Variants in MICU3 observed in about 807,000 individuals in gnomAD.
MICU3 encodes the protein calcium uptake protein 3, mitochondrial.
MICU3 carries 62 observed loss-of-function variants against 66.5 expected under a neutral mutation model. That is an observed-to-expected ratio of 0.93 (90% confidence interval 0.76 to 1.15). The LOEUF (loss-of-function observed/expected upper bound fraction) is 1.15. Ranked by LOEUF, MICU3 falls within the 50% of genes most tolerant of loss-of-function variation. The pLI, the probability that MICU3 is intolerant of heterozygous loss-of-function variation, is 0.00. For synonymous variants in MICU3, 308 were observed against 240.7 expected (o/e 1.28, Z -2.59); for missense variants, 779 against 664.4 (o/e 1.17, Z -1.90).
chr8:17,040,497 T>C (rs938249066), intron 1 of MICU3, among the ~76,000 whole-genome samples: 3 of 152,230 alleles, frequency 2.0e-5, no homozygotes, highest in African/African-American at 7.2e-5. Flanking sequence ...AATAGATGTC[T>C]GTTACCTTGT....
chr8:17,034,557 T>C (rs1812655030), intron 1 of MICU3, among the ~76,000 whole-genome samples: 1 of 152,250 alleles, frequency 6.6e-6, no homozygotes, highest in Non-Finnish European at 1.5e-5. Context: ...CCATTAAGAA[T>C]ATCTGTGATT....
the MICU3 span, among the ~76,000 whole-genome samples, chr8:17,129,676 A>G: frequency 1.3e-5 from 2 of 152,284 alleles, no homozygotes; most frequent in Non-Finnish European, 2.9e-5. Context: ...AAAACAGACT[A>G]CTGTAAGTGT....
intron 1 of MICU3, 84 bp downstream of exon 1, chr8:17,027,744 G>T: frequency 8.0e-7 from 1 of 1,246,678 alleles, no homozygotes; most frequent in Non-Finnish European, 1.0e-6. Flanking sequence ...CTGTGGGGAC[G>T]GTGCAAGCGC....
downstream of MICU3, among the ~76,000 whole-genome samples, chr8:17,126,842 G>A (rs1362187991): frequency 1.3e-5 from 2 of 152,160 alleles, no homozygotes; most frequent in Non-Finnish European, 2.9e-5. Flanking sequence ...ACTGCAGAAG[G>A]AAAGAATTGA....
intron 1 of MICU3, among the ~76,000 whole-genome samples, chr8:17,032,346 G>C (rs1563262103): frequency 6.6e-6 from 1 of 151,680 alleles, no homozygotes; most frequent in Non-Finnish European, 1.5e-5. Context: ...TTTATTAGTG[G>C]GAAAAAATTT....
chr8:17,114,976 G>A (rs1478019473), intron 12 of MICU3, among the ~76,000 whole-genome samples: 2 of 151,736 alleles, frequency 1.3e-5, no homozygotes, highest in Non-Finnish European at 2.9e-5. Flanking sequence ...AAAATTAGCC[G>A]GGCGTAGTGG....
At chr8:17,098,750 G>A (rs972505292) in intron 9 of MICU3, among the ~76,000 whole-genome samples, 197 bp downstream of exon 9, 1 of 151,510 alleles carries the variant, frequency 6.6e-6, no homozygotes, top group Non-Finnish European at 1.5e-5. Flanking sequence ...AAAAGGAAAT[G>A]GCATTTTTTT....
At chr8:17,130,022 T>A in the MICU3 span, among the ~76,000 whole-genome samples, 3 of 152,138 alleles carry the variant, frequency 2.0e-5, no homozygotes, top group Admixed American at 6.5e-5. Context: ...AATAGTCTTT[T>A]AAAATAATGG....
intron 5 of MICU3, among the ~76,000 whole-genome samples, chr8:17,083,982 C>T (rs1269648348): frequency 2.0e-5 from 3 of 152,028 alleles, no homozygotes; most frequent in Non-Finnish European, 4.4e-5. Flanking sequence ...TGCGTTTTGG[C>T]ACAGAAAGGT....
At chr8:17,086,935 A>G in intron 6 of MICU3, 29 bp from the exon 7 acceptor site, 1 of 1,486,188 alleles carries the variant, frequency 6.7e-7, no homozygotes, top group Non-Finnish European at 9.4e-7. Context: ...CTTGTTGGAT[A>G]TTTGATTCTT....
chr8:17,116,621 C>G, intron 13 of MICU3, 21 bp downstream of exon 13: 1 of 1,505,082 alleles, frequency 6.6e-7, no homozygotes, highest in Non-Finnish European at 8.9e-7. Context: ...ACATTTTAAA[C>G]CTATTGATAT....
rs145206255 is a variant in MICU3 at position 17,095,290 on chromosome 8, A to G, written c.889-3168A>G. ...CAATTGTTGGAAAGTCTCTGTTCAG[A>G]TTCTTTAAGGACTAGATTAAGGATA... On this transcript the variant is annotated intron_variant, in intron 8 of 14. Coordinates refer to ENST00000318063, the MANE Select transcript of MICU3 (RefSeq NM_181723.3). 3.4e-3 allele frequency among the ~76,000 whole-genome samples: 512 copies of G among 151,980 alleles called. 3 individuals carry two copies. The highest frequency in any genetic ancestry group is 0.012 in the South Asian group (57 of 4,816).
At chr8:17,050,596 C>G (rs1334729095) in intron 1 of MICU3, among the ~76,000 whole-genome samples, 2 of 152,102 alleles carry the variant, frequency 1.3e-5, no homozygotes, top group South Asian at 2.1e-4. Flanking sequence ...TAGTTGAGAT[C>G]TATTCAAGTC....
In MICU3 at chr8:17,077,847, A is replaced by G; in HGVS notation, c.632A>G (p.Asn211Ser). 1.2e-6 allele frequency: 2 copies of G among 1,610,496 alleles called. No homozygotes were observed. Among genetic ancestry groups the G allele is most frequent in the Non-Finnish European group, 8.5e-7 (1 of 1,177,382 alleles). ...AAAGGCTCATCGAAGCTATTTCGAA[A>G]TCTTAAAGAAAAAGGTGAGTTAACC... ...VWKGSSKLFR[N>S]LKEKGVISYT... Residue 211 changes from asparagine (N) to serine (S), a missense_variant, in exon 4 of 15, where the codon AAT (asparagine) becomes AGT (serine). By Grantham distance (46) the Asn-to-Ser change is conservative. Transcript: ENST00000318063.
chr8:17,105,955 G>C (rs540977428), intron 11 of MICU3, among the ~76,000 whole-genome samples: 1 of 151,782 alleles, frequency 6.6e-6, no homozygotes, highest in East Asian at 1.9e-4. Context: ...ATTCCTTTCC[G>C]TAACACCCTT....
At chr8:17,108,812 A>C (rs1246334094) in intron 11 of MICU3, among the ~76,000 whole-genome samples, 2 of 152,132 alleles carry the variant, frequency 1.3e-5, no homozygotes, top group Non-Finnish European at 2.9e-5. Flanking sequence ...CATTCTTCTC[A>C]AAGTAAAAGC....
intron 1 of MICU3, among the ~76,000 whole-genome samples, chr8:17,060,255 G>C (rs1394577201): frequency 6.6e-6 from 1 of 151,560 alleles, no homozygotes; most frequent in South Asian, 2.1e-4. Context: ...ACTATTCTGG[G>C]ATCAGACCAA....
chr8:17,078,605 A>G (rs1392607480), intron 4 of MICU3, among the ~76,000 whole-genome samples: 1 of 152,148 alleles, frequency 6.6e-6, no homozygotes, highest in Non-Finnish European at 1.5e-5. Flanking sequence ...AAGAAATTAC[A>G]TAAGCAGTTA....
intron 11 of MICU3, among the ~76,000 whole-genome samples, chr8:17,111,639 A>G (rs1379343143): frequency 1.3e-5 from 2 of 152,188 alleles, no homozygotes; most frequent in Admixed American, 6.5e-5. Context: ...TTGTAAGTCT[A>G]CTAGCTTTAA....
Sources: gnomAD v4.1 joint callset for allele counts (sites outside exome capture counted in the v4.1 genomes callset) on GRCh38, gnomAD v4.1.1 for gene constraint, MANE v1.5 for transcripts, NCBI Gene and HGNC (gene_info 2026-07-23, HGNC 2026-07-21) for gene names.